The following ESRRG variants were observed in gnomAD, a reference collection of about 807,000 sequenced individuals.
ESRRG encodes the protein estrogen related receptor gamma.
In ESRRG, 13 loss-of-function variants were observed where a neutral mutation model predicts 44.0. The ratio of observed to expected loss-of-function variants is 0.30; its 90% CI spans 0.19 to 0.47. The LOEUF (loss-of-function observed/expected upper bound fraction) is 0.47. Ranked by LOEUF, ESRRG falls within the 20% of genes least tolerant of loss-of-function variation. The probability of loss-of-function intolerance (pLI) is 1.00; values close to 1 mark genes in which losing one functional copy is unlikely to be tolerated. For missense variants in ESRRG, 395 were observed against 580.6 expected (o/e 0.68, Z 3.29); for synonymous variants, 215 against 214.6 (o/e 1.00, Z -0.02).
At chr1:217,014,807 C>G (rs1291801725) in intron 1 of ESRRG, among the ~76,000 whole-genome samples, 1 of 152,126 alleles carries the variant, frequency 6.6e-6, no homozygotes, top group Non-Finnish European at 1.5e-5. Context: ...TATCTCTATT[C>G]ATTTATTTAT....
chr1:216,778,619 C>T (rs895307257), intron 2 of ESRRG, among the ~76,000 whole-genome samples: 1 of 151,726 alleles, frequency 6.6e-6, no homozygotes, highest in Non-Finnish European at 1.5e-5. Flanking sequence ...ACTTCCTGAC[C>T]AGGAAGTAGT....
intron 3 of ESRRG, among the ~76,000 whole-genome samples, chr1:216,575,882 A>T (rs1308257769): frequency 6.6e-6 from 1 of 152,118 alleles, no homozygotes; most frequent in African/African-American, 2.4e-5. Flanking sequence ...GGAGGAAAAA[A>T]TAATGAACAC....
At chr1:217,038,552 C>A (rs2083310936) in intron 1 of ESRRG, among the ~76,000 whole-genome samples, 1 of 152,212 alleles carries the variant, frequency 6.6e-6, no homozygotes, top group Non-Finnish European at 1.5e-5. Flanking sequence ...AGCAACAGCC[C>A]AAGCTGTACC....
At chr1:217,024,566 A>C (rs1343136487) in intron 1 of ESRRG, among the ~76,000 whole-genome samples, 2 of 152,010 alleles carry the variant, frequency 1.3e-5, no homozygotes, top group African/African-American at 4.8e-5. Context: ...CATCATTCAA[A>C]ATCACCGTCA....
At chr1:216,906,026 C>T (rs892485602) in intron 2 of ESRRG, among the ~76,000 whole-genome samples, 6 of 152,236 alleles carry the variant, frequency 3.9e-5, no homozygotes, top group Admixed American at 1.3e-4. Context: ...GCTGGGATTA[C>T]AGGCATGAGC....
chr1:216,610,510 G>A (rs936062047), intron 3 of ESRRG, among the ~76,000 whole-genome samples: 1 of 152,114 alleles, frequency 6.6e-6, no homozygotes, highest in Admixed American at 6.5e-5. Context: ...TGTTTGAGGG[G>A]AAGGTGCACT....
intron 2 of ESRRG, among the ~76,000 whole-genome samples, chr1:216,732,500 C>T (rs112792001): frequency 0.062 from 9,463 of 152,032 alleles, 364 homozygotes; most frequent in African/African-American, 0.091. Context: ...CCTCGGCCTC[C>T]AGAGTAGCTG....
chr1:216,813,579 G>A (rs2095041905), intron 2 of ESRRG, among the ~76,000 whole-genome samples: 1 of 152,158 alleles, frequency 6.6e-6, no homozygotes, highest in Admixed American at 6.5e-5. Flanking sequence ...AGAAAATTAA[G>A]ATTCAATTCT....
intron 2 of ESRRG, among the ~76,000 whole-genome samples, chr1:216,779,669 A>C (rs1214511977): frequency 6.9e-6 from 1 of 145,794 alleles, no homozygotes; most frequent in Non-Finnish European, 1.5e-5. Context: ...TTTGAGTTGT[A>C]ATAGATTTAA....
At chr1:216,584,752 T>A (rs2063453042) in intron 3 of ESRRG, among the ~76,000 whole-genome samples, 1 of 152,216 alleles carries the variant, frequency 6.6e-6, no homozygotes, top group South Asian at 2.1e-4. Flanking sequence ...TCAAGGCGAA[T>A]AAGAAAGGTA....
chr1:216,795,079 T>C (rs1356570829), intron 2 of ESRRG, among the ~76,000 whole-genome samples: 1 of 152,150 alleles, frequency 6.6e-6, no homozygotes, highest in Non-Finnish European at 1.5e-5. Flanking sequence ...TCAGGTTCAG[T>C]TAATTTCCAT....
Position 216,524,199 on chromosome 1 carries a change from G to C in ESRRG, c.863-4778C>G, listed in dbSNP as rs184343615. Reference sequence around the variant, plus strand: ...ATGATTCACAAAATACACAGCTCAGGGGCTTGTAGGAAACTTTATATATAT... The same window carrying C: ...ATGATTCACAAAATACACAGCTCAGCGGCTTGTAGGAAACTTTATATATAT... On this transcript the variant is annotated intron_variant, in intron 5 of 6. Coordinates refer to ENST00000408911, the MANE Select transcript of ESRRG (RefSeq NM_001438.4). Among the ~76,000 whole-genome samples the C allele has an allele frequency of 4.4e-3, 614 of 140,152 alleles. 4 individuals carry two copies. Among genetic ancestry groups the C allele is most frequent in the African/African-American group, 0.016 (532 of 33,380 alleles). The allele number at this position is 140,152 out of a possible 152,430, so 91.9% of individuals were successfully genotyped here.
At chr1:216,672,889 A>T (rs1309105134) in intron 2 of ESRRG, among the ~76,000 whole-genome samples, 4 of 152,188 alleles carry the variant, frequency 2.6e-5, no homozygotes, top group Non-Finnish European at 4.4e-5. Context: ...AAGATATATT[A>T]AAAAGGAAAG....
At chr1:216,698,304 T>A (rs1374701990) in intron 1 of ESRRG, among the ~76,000 whole-genome samples, 2 of 151,982 alleles carry the variant, frequency 1.3e-5, no homozygotes, top group South Asian at 2.1e-4. Context: ...GATCACGAAG[T>A]CAGGAGATCG....
chr1:216,696,035 C>T (rs2080092731), intron 1 of ESRRG, among the ~76,000 whole-genome samples: 1 of 152,204 alleles, frequency 6.6e-6, no homozygotes, highest in Non-Finnish European at 1.5e-5. Context: ...CCACATCTCA[C>T]AGTGTATGGT....
chr1:217,074,444 A>AC (rs141104601), intron 1 of ESRRG, among the ~76,000 whole-genome samples: 38,946 of 102,268 alleles, frequency 0.38, 6,371 homozygotes, highest in Non-Finnish European at 0.49. Flanking sequence ...TCAGAAATCC[A>AC]CCCCCCCCAA....
intron 2 of ESRRG, among the ~76,000 whole-genome samples, chr1:216,816,564 C>A (rs1225856684): frequency 6.6e-6 from 1 of 152,134 alleles, no homozygotes; most frequent in African/African-American, 2.4e-5. Flanking sequence ...AAGAAACACA[C>A]CCGAGTACTT....
intron 5 of ESRRG, among the ~76,000 whole-genome samples, chr1:216,546,444 G>A (rs1017330186): frequency 2.0e-5 from 3 of 151,990 alleles, no homozygotes; most frequent in Non-Finnish European, 4.4e-5. Context: ...AACTCTCATA[G>A]CAATACTAGG....
chr1:216,614,597 T>A (rs1327504391), intron 3 of ESRRG, among the ~76,000 whole-genome samples: 2 of 152,236 alleles, frequency 1.3e-5, no homozygotes, highest in Non-Finnish European at 2.9e-5. Context: ...TTTAAATGGC[T>A]TTATTTTATT....
Sources: allele counts gnomAD v4.1 joint callset (sites outside exome capture counted in the v4.1 genomes callset), GRCh38; gene constraint gnomAD v4.1.1; transcripts MANE v1.5; gene names NCBI Gene and HGNC (gene_info 2026-07-23, HGNC 2026-07-21).